The following SYT16 variants were observed in gnomAD, a reference collection of about 807,000 sequenced individuals.
The protein encoded by SYT16 is synaptotagmin 16, also known as synaptotagmin-16.
In SYT16, 42 loss-of-function variants were observed where a neutral mutation model predicts 61.4. The observed-to-expected ratio is 0.68, with a 90% CI of 0.53 to 0.89. The LOEUF is 0.89. SYT16 is among the 40% of genes least tolerant of loss of function. SYT16 has a pLI of 0.00. For synonymous variants in SYT16, 314 were observed against 302.3 expected (o/e 1.04, Z -0.40); for missense variants, 804 against 807.3 (o/e 1.00, Z 0.05).
At chr14:61,833,266 A>G (rs2045998340) in intron 1 of SYT16, among the ~76,000 whole-genome samples, 2 of 149,964 alleles carry the variant, frequency 1.3e-5, no homozygotes, top group African/African-American at 2.4e-5. Flanking sequence ...TCTATTTCTC[A>G]TGGCTCATGG....
intron 7 of SYT16, among the ~76,000 whole-genome samples, chr14:62,086,395 G>A (rs770453649): frequency 2.0e-5 from 3 of 152,118 alleles, no homozygotes; most frequent in Non-Finnish European, 4.4e-5. Context: ...CCAGAGAATC[G>A]CTTGAACCGA....
At chr14:61,966,718 C>T (rs577501500) in intron 1 of SYT16, among the ~76,000 whole-genome samples, 12 of 152,228 alleles carry the variant, frequency 7.9e-5, no homozygotes, top group Non-Finnish European at 1.2e-4. Context: ...TAATTAATGA[C>T]ATTATAAGAT....
intron 2 of SYT16, among the ~76,000 whole-genome samples, chr14:61,971,164 C>A (rs1483272534): frequency 6.6e-6 from 1 of 152,078 alleles, no homozygotes; most frequent in Non-Finnish European, 1.5e-5. Context: ...ATGGATAGTT[C>A]AGCTTTTTTG....
At chr14:61,898,777 G>A (rs772324835) in intron 1 of SYT16, among the ~76,000 whole-genome samples, 1 of 152,092 alleles carries the variant, frequency 6.6e-6, no homozygotes, top group Non-Finnish European at 1.5e-5. Flanking sequence ...ATCTCACTCC[G>A]GGAGCTATTT....
chr14:61,981,018 A>G (rs1221288754), intron 2 of SYT16, among the ~76,000 whole-genome samples: 2 of 152,168 alleles, frequency 1.3e-5, no homozygotes, highest in Non-Finnish European at 2.9e-5. Flanking sequence ...TTACATGATC[A>G]TGGAAGCTGG....
chr14:62,076,138 A>G (rs2056487948), intron 5 of SYT16, among the ~76,000 whole-genome samples: 3 of 152,212 alleles, frequency 2.0e-5, no homozygotes, highest in African/African-American at 4.8e-5. Flanking sequence ...TATGCCAGGC[A>G]CTGTGATAAG....
rs538052497 is a variant in SYT16 at position 61,997,754 on chromosome 14, C to T, written c.523+1212C>T. Among the ~76,000 whole-genome samples the T allele has an allele frequency of 9.9e-5, 15 of 152,096 alleles. No homozygotes were observed. In the South Asian group the frequency reaches 2.9e-3, roughly 29 times the overall value. On this transcript the variant is annotated intron_variant, in intron 3 of 7. Coordinates refer to ENST00000683842, the MANE Select transcript of SYT16 (RefSeq NM_001367656.1). Reference sequence around the variant, plus strand: ...ATTTCTTAGATTTGAGTTGAAATTTCGATTCCTATTTTAGAACATTCTTGA... The same window carrying T: ...ATTTCTTAGATTTGAGTTGAAATTTTGATTCCTATTTTAGAACATTCTTGA...
chr14:62,084,296 G>T lies in SYT16; in HGVS notation c.1535G>T (p.Gly512Val). ...GGAGGGGCGCCAGAGCTGTTGGTGG[G>T]GCTCTCGTACAATGCCACAACGGGG... ...SHGGAPELLV[G>V]LSYNATTGRL... Residue 512 changes from glycine (G) to valine (V), a missense_variant, in exon 7 of 8, where the codon GGG (glycine) becomes GTG (valine). Coordinates refer to ENST00000683842, the MANE Select transcript of SYT16 (RefSeq NM_001367656.1). 1 of 1,613,690 alleles carries T rather than the reference G, an allele frequency of 6.2e-7. No homozygotes were observed. The highest frequency in any genetic ancestry group is 8.5e-7 in the Non-Finnish European group (1 of 1,179,828).
intron 2 of SYT16, among the ~76,000 whole-genome samples, chr14:61,981,501 A>G (rs117887505): frequency 6.6e-6 from 1 of 152,216 alleles, no homozygotes; most frequent in Non-Finnish European, 1.5e-5. Context: ...AATGAACCCC[A>G]TATATCTATC....
intron 1 of SYT16, among the ~76,000 whole-genome samples, chr14:61,899,131 T>A (rs2048424319): frequency 6.8e-6 from 1 of 146,808 alleles, no homozygotes; most frequent in African/African-American, 2.4e-5. Flanking sequence ...TTTTAATAAC[T>A]TTGTGAGGCA....
At chr14:62,082,508 C>G (rs972720440) in intron 6 of SYT16, among the ~76,000 whole-genome samples, 1 of 152,168 alleles carries the variant, frequency 6.6e-6, no homozygotes, top group African/African-American at 2.4e-5. Flanking sequence ...GAACCTGGCT[C>G]TCTGCTGGAT....
chr14:61,918,859 G>A (rs766464552), intron 1 of SYT16, among the ~76,000 whole-genome samples: 13 of 152,254 alleles, frequency 8.5e-5, no homozygotes, highest in Non-Finnish European at 1.6e-4. Flanking sequence ...AAAATTATTA[G>A]TGTTGCAAGC....
At chr14:62,012,840 A>G (rs779278318) in intron 3 of SYT16, among the ~76,000 whole-genome samples, 2 of 152,210 alleles carry the variant, frequency 1.3e-5, no homozygotes, top group African/African-American at 2.4e-5. Context: ...CTAAATCTAT[A>G]TATTTGAATT....
At chr14:61,856,401 A>G (rs1276766283) in intron 1 of SYT16, among the ~76,000 whole-genome samples, 1 of 152,202 alleles carries the variant, frequency 6.6e-6, no homozygotes, top group Non-Finnish European at 1.5e-5. Context: ...CTCCAATATA[A>G]TATTTTATAC....
In SYT16 at chr14:61,913,704, TTG is replaced by T. The variant is rs56758661; in HGVS notation, c.-324-56399_-324-56398del. Among the ~76,000 whole-genome samples the T allele has an allele frequency of 3.5e-4, 51 of 145,872 alleles. 1 individual carries two copies. The highest frequency in any genetic ancestry group is 9.2e-4 in the African/African-American group (36 of 39,264). On this transcript the variant is annotated intron_variant, in intron 1 of 7. Coordinates refer to ENST00000683842, the MANE Select transcript of SYT16 (RefSeq NM_001367656.1). Reference sequence around the variant, plus strand: ...AATAAGATCATCCTTCTTTGGGTCTTTGTGTGTGTGTGTGTGTGTGTGTGTGT... The same window carrying T: ...AATAAGATCATCCTTCTTTGGGTCTTTGTGTGTGTGTGTGTGTGTGTGTGT...
chr14:62,070,208 A>G (rs980655312), intron 4 of SYT16, among the ~76,000 whole-genome samples: 1 of 152,258 alleles, frequency 6.6e-6, no homozygotes, highest in East Asian at 1.9e-4. Flanking sequence ...TTAGAATCAT[A>G]AAATAAGTTT....
chr14:61,992,224 A>G (rs1203553612), intron 2 of SYT16, among the ~76,000 whole-genome samples: 5 of 152,180 alleles, frequency 3.3e-5, no homozygotes, highest in Admixed American at 2.0e-4. Flanking sequence ...AAAAATGAGT[A>G]TCGGGCAGTT....
At chr14:62,082,166 G>A (rs1005391934) in intron 6 of SYT16, among the ~76,000 whole-genome samples, 3 of 152,172 alleles carry the variant, frequency 2.0e-5, no homozygotes, top group Non-Finnish European at 4.4e-5. Flanking sequence ...TCCAGACAGA[G>A]TGAACAGCAC....
chr14:61,891,439 T>A (rs954326257), intron 1 of SYT16, among the ~76,000 whole-genome samples: 1 of 152,204 alleles, frequency 6.6e-6, no homozygotes, highest in African/African-American at 2.4e-5. Context: ...CAGCTCACTG[T>A]TGACTCATGT....
Sources: allele counts gnomAD v4.1 joint callset (sites outside exome capture counted in the v4.1 genomes callset), GRCh38; gene constraint gnomAD v4.1.1; transcripts MANE v1.5; gene names NCBI Gene and HGNC (gene_info 2026-07-23, HGNC 2026-07-21).